Variants in AK9 observed in about 807,000 individuals in gnomAD.
AK9 encodes adenylate kinase domain containing 1.
A neutral mutation model predicts 239.6 loss-of-function variants in AK9; 191 were observed. The observed-to-expected ratio is 0.80, with a 90% CI of 0.71 to 0.90. The LOEUF (loss-of-function observed/expected upper bound fraction) is 0.90. AK9 is among the 40% of genes least tolerant of loss of function. AK9 has a pLI of 0.00. For missense variants in AK9, 1,995 were observed against 2,214.7 expected (o/e 0.90, Z 1.99); for synonymous variants, 689 against 721.0 (o/e 0.96, Z 0.71).
At chr6:109,673,765 A>ACTCTATTTTGTTCATAG (rs1371238335) in intron 3 of AK9, among the ~76,000 whole-genome samples, 10 of 152,158 alleles carry the variant, frequency 6.6e-5, no homozygotes, top group South Asian at 4.1e-4. Context: ...AGAGTTGATG[A>ACTCTATTTTGTTCATAG]CATTTCATAA....
intron 8 of AK9, among the ~76,000 whole-genome samples, chr6:109,651,428 G>T (rs1475416831): frequency 6.6e-6 from 1 of 152,106 alleles, no homozygotes; most frequent in Non-Finnish European, 1.5e-5. Context: ...AGTGTTTAGA[G>T]GGAAATTTAT....
rs560904063 is a variant in AK9 at position 109,603,342 on chromosome 6, G to A, written c.1842+7023C>T. 5.3e-5 allele frequency among the ~76,000 whole-genome samples: 8 copies of A among 152,326 alleles called. No homozygotes were observed. In the South Asian group the frequency reaches 8.3e-4, roughly 16 times the overall value. Reference sequence around the variant, plus strand: ...TGGAGATTGCTGGAGGTCCACTCCAGACCCTGTTTGCCTAGGTATCAGCAG... The same window carrying A: ...TGGAGATTGCTGGAGGTCCACTCCAAACCCTGTTTGCCTAGGTATCAGCAG... On this transcript the variant is annotated intron_variant, in intron 17 of 40. Transcript: ENST00000424296.
chr6:109,657,934 A>T (rs1799927588), intron 7 of AK9, among the ~76,000 whole-genome samples: 1 of 152,152 alleles, frequency 6.6e-6, no homozygotes, highest in Non-Finnish European at 1.5e-5. Context: ...TCCCATTTTT[A>T]TCAATGTACA....
intron 27 of AK9, among the ~76,000 whole-genome samples, chr6:109,539,565 G>A (rs555679195): frequency 2.4e-4 from 36 of 152,182 alleles, no homozygotes; most frequent in South Asian, 6.2e-4. Flanking sequence ...CCTTTAGCTC[G>A]GAGAAGTTTG....
At chr6:109,599,907 A>G (rs1583194382) in intron 17 of AK9, among the ~76,000 whole-genome samples, 1 of 152,124 alleles carries the variant, frequency 6.6e-6, no homozygotes, top group African/African-American at 2.4e-5. Context: ...AATGCTTGCG[A>G]TTTTTTGCAC....
chr6:109,581,461 T>C (rs966230062), intron 19 of AK9, among the ~76,000 whole-genome samples: 6 of 152,152 alleles, frequency 3.9e-5, no homozygotes, highest in African/African-American at 1.2e-4. Flanking sequence ...GCCTTACTAT[T>C]GATATGGAGA....
At chr6:109,666,369 G>C (rs909008727) in intron 5 of AK9, among the ~76,000 whole-genome samples, 3 of 152,184 alleles carry the variant, frequency 2.0e-5, no homozygotes, top group Admixed American at 6.5e-5. Flanking sequence ...GACATGTGAG[G>C]ATGAAAGCAC....
chr6:109,681,560 A>G (rs1389599831), intron 1 of AK9, among the ~76,000 whole-genome samples: 1 of 152,188 alleles, frequency 6.6e-6, no homozygotes, highest in East Asian at 1.9e-4. Flanking sequence ...TAATAATGAT[A>G]TTCAGGACTT....
chr6:109,499,018 A>C, intron 36 of AK9, 26 bp downstream of exon 36: 1 of 1,463,456 alleles, frequency 6.8e-7, no homozygotes, highest in Non-Finnish European at 9.1e-7. Flanking sequence ...TCTTTAGTAA[A>C]TATTTGGAGT....
At chr6:109,560,248 T>C (rs1252419749) in intron 24 of AK9, among the ~76,000 whole-genome samples, 3 of 152,248 alleles carry the variant, frequency 2.0e-5, no homozygotes, top group African/African-American at 7.2e-5. Flanking sequence ...TCTTTCTTTT[T>C]CAATCTGAAT....
At position 109,533,308 on chromosome 6, in the gene AK9, T is replaced by C; in HGVS notation, c.3513A>G (p.Lys1171=). Reference sequence around the variant, plus strand: ...TCTTCCTTTCTAATTTCTTCTTTTGTTTTAGTTTCCACTTTTCAATTTGGG... The same window carrying C: ...TCTTCCTTTCTAATTTCTTCTTTTGCTTTAGTTTCCACTTTTCAATTTGGG... ...LPAQIEKWKL[K]QKKKLERKKL... is the part of the protein sequence containing the mutation. The change falls in exon 28 of 41, where the codon AAA becomes AAG. Residue 1171 remains lysine (K), a synonymous_variant. Coordinates refer to ENST00000424296, the MANE Select transcript of AK9 (RefSeq NM_001145128.3). 6.2e-7 allele frequency: 1 copy of C among 1,612,266 alleles called. No individual in the cohort carries two copies. The highest frequency in any genetic ancestry group is 8.5e-7 in the Non-Finnish European group (1 of 1,179,388).
chr6:109,525,052 GA>G (rs1322346906), intron 29 of AK9, among the ~76,000 whole-genome samples: 3 of 152,174 alleles, frequency 2.0e-5, no homozygotes, highest in African/African-American at 7.2e-5. Flanking sequence ...TATGGTAAAA[GA>G]AAGGGGTCCA....
At chr6:109,600,962 T>C (rs1024161599) in intron 17 of AK9, among the ~76,000 whole-genome samples, 1 of 152,202 alleles carries the variant, frequency 6.6e-6, no homozygotes. Context: ...TTGATGCTTC[T>C]CTCTTTTCTT....
intron 8 of AK9, among the ~76,000 whole-genome samples, chr6:109,654,221 T>C (rs1799368064): frequency 6.6e-6 from 1 of 152,194 alleles, no homozygotes; most frequent in African/African-American, 2.4e-5. Context: ...TGTATGAGGT[T>C]AGATTCTAGG....
intron 8 of AK9, among the ~76,000 whole-genome samples, chr6:109,652,773 C>G (rs1034034297): frequency 1.3e-5 from 2 of 152,158 alleles, no homozygotes; most frequent in African/African-American, 4.8e-5. Flanking sequence ...CTTCTCCCTG[C>G]TCCTCCATGC....
intron 25 of AK9, among the ~76,000 whole-genome samples, chr6:109,547,094 G>T (rs562778096): frequency 6.6e-6 from 1 of 152,102 alleles, no homozygotes; most frequent in Admixed American, 6.5e-5. Context: ...AACAGAAAAG[G>T]GTAAGTGGCC....
intron 17 of AK9, among the ~76,000 whole-genome samples, chr6:109,603,293 C>A (rs1235386595): frequency 6.6e-6 from 1 of 152,196 alleles, no homozygotes; most frequent in African/African-American, 2.4e-5. Context: ...TTCTAACAGT[C>A]AGGATCCTCA....
chr6:109,563,787 T>C (rs1051258716), intron 23 of AK9, 75 bp from the exon 24 acceptor site: 2 of 1,402,172 alleles, frequency 1.4e-6, no homozygotes, highest in African/African-American at 1.5e-5. Context: ...TAGTCAAATG[T>C]TGGGAAAATT....
intron 5 of AK9, among the ~76,000 whole-genome samples, chr6:109,670,181 G>A (rs1210428417): frequency 1.3e-5 from 2 of 152,046 alleles, no homozygotes; most frequent in African/African-American, 2.4e-5. Context: ...TGTACTATGT[G>A]AAACCTGGTT....
Sources: gnomAD v4.1 joint callset for allele counts (sites outside exome capture counted in the v4.1 genomes callset) on GRCh38, gnomAD v4.1.1 for gene constraint, MANE v1.5 for transcripts, NCBI Gene and HGNC (gene_info 2026-07-23, HGNC 2026-07-21) for gene names.